The following THRB variants were observed in gnomAD, a reference collection of about 807,000 sequenced individuals.
THRB encodes the protein thyroid hormone receptor beta.
THRB carries 12 observed loss-of-function variants against 47.8 expected under a neutral mutation model. That is an observed-to-expected ratio of 0.25 (90% CI 0.16 to 0.41). The LOEUF (loss-of-function observed/expected upper bound fraction) is 0.41. Among genes scored for constraint, THRB ranks in the 10% least tolerant of loss-of-function variants. THRB has a pLI of 1.00. For missense variants in THRB, 348 were observed against 589.2 expected, an observed-to-expected ratio of 0.59 and a Z score of 4.24; for synonymous variants, 218 against 212.2, an observed-to-expected ratio of 1.03 and a Z score of -0.24.
intron 4 of THRB, among the ~76,000 whole-genome samples, chr3:24,209,870 A>G (rs973176059): frequency 6.6e-6 from 1 of 152,202 alleles, no homozygotes; most frequent in African/African-American, 2.4e-5. Flanking sequence ...CTTAAGATAC[A>G]AACATTTCTA....
chr3:24,189,888 G>T (rs993562335), intron 5 of THRB, 186 bp downstream of exon 5: 2 of 622,472 alleles, frequency 3.2e-6, no homozygotes, highest in South Asian at 2.0e-5. Context: ...CCTTTCTTTG[G>T]ATTCCACTTA....
chr3:24,284,387 G>A (rs1162945300), intron 3 of THRB, among the ~76,000 whole-genome samples: 1 of 150,312 alleles, frequency 6.7e-6, no homozygotes, highest in East Asian at 1.9e-4. Context: ...TATGTAGAAA[G>A]CTGAAACTGG....
intron 5 of THRB, among the ~76,000 whole-genome samples, chr3:24,170,746 A>G (rs1482820316): frequency 6.6e-6 from 1 of 151,860 alleles, no homozygotes; most frequent in Non-Finnish European, 1.5e-5. Flanking sequence ...TGTGTCAGGA[A>G]CCTCTTGATA....
In THRB at chr3:24,308,573, C is replaced by T. The variant is rs1356956294; in HGVS notation, c.-188-11202G>A. ...AAGTAAATTTGAGGCATGTGAAAAACTGCCTTGTTAAACGGGAGAATGGAA... is the reference window on the plus strand; with the variant it reads ...AAGTAAATTTGAGGCATGTGAAAAATTGCCTTGTTAAACGGGAGAATGGAA... On this transcript the variant is annotated intron_variant, in intron 2 of 10. Transcript: ENST00000646209. Among the ~76,000 whole-genome samples, 28 of 152,160 alleles carry T rather than the reference C, an allele frequency of 1.8e-4. 1 individual carries two copies. Among genetic ancestry groups the T allele is most frequent in the Admixed American group, 1.8e-3 (27 of 15,274 alleles).
chr3:24,389,745 C>G (rs985624274), intron 1 of THRB, among the ~76,000 whole-genome samples: 11 of 151,818 alleles, frequency 7.2e-5, no homozygotes, highest in African/African-American at 2.7e-4. Context: ...ACAACAAAAA[C>G]AACCCAAAAG....
chr3:24,365,127 A>G (rs763921561), intron 1 of THRB, among the ~76,000 whole-genome samples: 1 of 152,170 alleles, frequency 6.6e-6, no homozygotes, highest in Non-Finnish European at 1.5e-5. Flanking sequence ...TTTACCTGCC[A>G]CATGTATTAT....
chr3:24,326,057 A>T (rs1283505659), intron 2 of THRB, among the ~76,000 whole-genome samples: 1 of 152,146 alleles, frequency 6.6e-6, no homozygotes, highest in Non-Finnish European at 1.5e-5. Context: ...GGATTCATAG[A>T]TCACTGCAAT....
chr3:24,327,544 A>G (rs2061674642), intron 2 of THRB, among the ~76,000 whole-genome samples: 1 of 152,260 alleles, frequency 6.6e-6, no homozygotes, highest in Non-Finnish European at 1.5e-5. Flanking sequence ...AGCACCTACT[A>G]TGTGCCAGGC....
chr3:24,413,617 T>A (rs533116899), intron 1 of THRB, among the ~76,000 whole-genome samples: 4 of 151,798 alleles, frequency 2.6e-5, no homozygotes, highest in Non-Finnish European at 5.9e-5. Context: ...GTACACAACG[T>A]GCAGGTTTGT....
At chr3:24,322,698 C>A (rs1312392304) in intron 2 of THRB, among the ~76,000 whole-genome samples, 1 of 152,150 alleles carries the variant, frequency 6.6e-6, no homozygotes, top group African/African-American at 2.4e-5. Context: ...GTTTTCTTTT[C>A]CATTGTTATT....
intron 8 of THRB, among the ~76,000 whole-genome samples, chr3:24,135,502 C>T (rs1361156464): frequency 2.0e-5 from 3 of 152,016 alleles, no homozygotes; most frequent in Non-Finnish European, 4.4e-5. Flanking sequence ...TTTGGGGCAA[C>T]TGTTGGCATA....
At chr3:24,357,369 A>AC (rs2063753790) in intron 1 of THRB, among the ~76,000 whole-genome samples, 1 of 146,778 alleles carries the variant, frequency 6.8e-6, no homozygotes, top group African/African-American at 2.5e-5. Context: ...AAAAAAAAAA[A>AC]AAAAACAAAA....
chr3:24,153,233 G>C (rs545313220), intron 5 of THRB, among the ~76,000 whole-genome samples: 1 of 152,190 alleles, frequency 6.6e-6, no homozygotes, highest in Non-Finnish European at 1.5e-5. Context: ...GGGAGATGAC[G>C]AAGTCCTTGT....
chr3:24,323,424 T>C (rs2058613567), intron 2 of THRB, among the ~76,000 whole-genome samples: 1 of 152,212 alleles, frequency 6.6e-6, no homozygotes, highest in African/African-American at 2.4e-5. Flanking sequence ...TCCACTTGCA[T>C]GTTGACTTGT....
chr3:24,428,232 T>TA (rs1560162208), intron 1 of THRB, among the ~76,000 whole-genome samples: 2 of 152,042 alleles, frequency 1.3e-5, no homozygotes, highest in Admixed American at 6.6e-5. Flanking sequence ...ATAAACAAAA[T>TA]ATTATTGAGT....
intron 8 of THRB, among the ~76,000 whole-genome samples, chr3:24,137,086 T>C (rs954805632): frequency 1.3e-5 from 2 of 152,384 alleles, no homozygotes; most frequent in African/African-American, 4.8e-5. Context: ...ATGAGTCATA[T>C]GGTATTTAGG....
chr3:24,401,102 C>T (rs1010371059), intron 1 of THRB, among the ~76,000 whole-genome samples: 1 of 151,836 alleles, frequency 6.6e-6, no homozygotes, highest in Admixed American at 6.6e-5. Flanking sequence ...AAAACACAAA[C>T]GAGCTTTTAA....
At position 24,304,274 on chromosome 3, in the gene THRB, A is replaced by G. The variant is rs116238381; in HGVS notation, c.-188-6903T>C. On this transcript the variant is annotated intron_variant, in intron 2 of 10. Transcript: ENST00000646209. ...TGATTGTCCATGGAATATTAATAAAATATAAATCACAAGGTTAAAATGAAC... is the reference window on the plus strand; with the variant it reads ...TGATTGTCCATGGAATATTAATAAAGTATAAATCACAAGGTTAAAATGAAC... 9.8e-3 allele frequency among the ~76,000 whole-genome samples: 1,495 copies of G among 152,300 alleles called. 16 individuals are homozygous for G. The highest frequency in any genetic ancestry group is 0.034 in the African/African-American group (1,427 of 41,574).
chr3:24,133,170 G>T, intron 9 of THRB, 146 bp downstream of exon 9: 1 of 805,632 alleles, frequency 1.2e-6, no homozygotes, highest in Non-Finnish European at 2.0e-6. Context: ...AAATGAAATA[G>T]AATGCATTTT....
Sources: allele counts gnomAD v4.1 joint callset (sites outside exome capture counted in the v4.1 genomes callset), GRCh38; gene constraint gnomAD v4.1.1; transcripts MANE v1.5; gene names NCBI Gene and HGNC (gene_info 2026-07-23, HGNC 2026-07-21).